Variants in ACTL6A observed in about 807,000 individuals in gnomAD.
ACTL6A encodes the protein actin-like protein 6A.
A neutral mutation model predicts 59.2 loss-of-function variants in ACTL6A; 5 were observed. The observed-to-expected ratio is 0.08, with a 90% CI of 0.04 to 0.18. The LOEUF (loss-of-function observed/expected upper bound fraction) is 0.18, where lower values mean the gene tolerates loss of function less well. Ranked by LOEUF, ACTL6A falls within the 10% of genes least tolerant of loss-of-function variation. The pLI is 1.00. For missense variants in ACTL6A, 285 were observed against 526.9 expected (o/e 0.54, Z 4.49); for synonymous variants, 154 against 171.8 (o/e 0.90, Z 0.81).
In ACTL6A at chr3:179,569,873, T is replaced by C; in HGVS notation, c.75T>C (p.Ala25=). ...ACATTGGATCCTATACTGTGAGAGC[T>C]GGTTATGCTGGTGAGGACTGCCCCA... ...VFDIGSYTVR[A]GYAGEDCPKV... is the part of the protein sequence containing the mutation. Residue 25 remains alanine (A), a synonymous_variant, in exon 2 of 14, where the codon GCT becomes GCC. Coordinates refer to ENST00000429709, the MANE Select transcript of ACTL6A (RefSeq NM_004301.5). 2 of 1,614,172 alleles carry C rather than the reference T, an allele frequency of 1.2e-6. No individual in the cohort carries two copies. The highest frequency in any genetic ancestry group is 1.1e-5 in the South Asian group (1 of 91,082).
intron 3 of ACTL6A, among the ~76,000 whole-genome samples, chr3:179,572,799 C>T (rs1298629437): frequency 1.3e-5 from 2 of 151,324 alleles, no homozygotes; most frequent in Admixed American, 6.6e-5. Context: ...AACGAGACTC[C>T]ATCTCAAAAA....
intron 8 of ACTL6A, among the ~76,000 whole-genome samples, chr3:179,579,455 T>TACACACACACACAC (rs10650822): frequency 0.016 from 2,300 of 145,100 alleles, 39 homozygotes; most frequent in African/African-American, 0.036. Flanking sequence ...TTATATCATA[T>TACACACACACACAC]ACACACACAC....
chr3:179,578,082 G>A (rs1314488844), intron 8 of ACTL6A, among the ~76,000 whole-genome samples: 2 of 152,166 alleles, frequency 1.3e-5, no homozygotes, highest in African/African-American at 2.4e-5. Context: ...AGGCTGAGGT[G>A]GGTGGATCCC....
At chr3:179,574,535 G>A in intron 5 of ACTL6A, 68 bp downstream of exon 5, 1 of 1,130,260 alleles carries the variant, frequency 8.8e-7, no homozygotes, top group Non-Finnish European at 1.3e-6. Context: ...GATAACTCTG[G>A]GAGAAGACAT....
Position 179,588,095 on chromosome 3 carries a change from T to C in ACTL6A, c.*85T>C. On this transcript the variant is annotated 3_prime_UTR_variant, in exon 14 of 14. Transcript: ENST00000429709. The stretch of plus-strand genomic sequence containing the variant: ...ACTCAGGAAAAGAATGACCATCTTT[T>C]GTAGAATGTTTATACATTTTTGCAT... 1 of 1,029,724 alleles carries C rather than the reference T, an allele frequency of 9.7e-7. No individual in the cohort carries two copies. The highest frequency in any genetic ancestry group is 1.4e-6 in the Non-Finnish European group (1 of 729,760). 63.8% of individuals were successfully genotyped at this position (1,029,724 alleles called of 1,614,324 possible).
intron 13 of ACTL6A, among the ~76,000 whole-genome samples, chr3:179,587,378 C>T (rs1718533644): frequency 6.6e-6 from 1 of 152,110 alleles, no homozygotes; most frequent in Non-Finnish European, 1.5e-5. Context: ...CACACCTAAA[C>T]CCTCAGTCTT....
Position 179,570,288 on chromosome 3 carries a change from A to G in ACTL6A, c.277+47A>G, listed in dbSNP as rs550292711. On this transcript the variant is annotated intron_variant, in intron 3 of 13. Transcript: ENST00000429709. This position sits in a 1 kb window ranked among gnomAD's most constrained non-coding sequence, Gnocchi z 4.3. ...ATTGATTATGGAGTGTACATGTTAT[A>G]TTTTAGATACAAAGTAGTAGCTTCC... is the stretch of plus-strand genomic sequence containing the variant. 47 of 1,480,950 alleles carry G rather than the reference A, an allele frequency of 3.2e-5. No homozygotes were observed. The South Asian group carries it at 5.1e-4, about 16-fold the overall frequency. The allele number at this position is 1,480,950 out of a possible 1,614,324, so 91.7% of individuals were successfully genotyped here. A position where few individuals can be genotyped will look rare whatever the true frequency, so the allele number is the denominator to read the frequency against.
At chr3:179,579,472 A>ACACG (rs1718269601) in intron 8 of ACTL6A, among the ~76,000 whole-genome samples, 1 of 151,860 alleles carries the variant, frequency 6.6e-6, no homozygotes, top group Non-Finnish European at 1.5e-5. Flanking sequence ...ACACACACAC[A>ACACG]CACACACACA....
chr3:179,586,440 A>G, intron 12 of ACTL6A, 106 bp from the exon 13 acceptor site: 1 of 814,522 alleles, frequency 1.2e-6, no homozygotes, highest in East Asian at 3.3e-5. Context: ...CCTGGACAAT[A>G]TGGCGAGGAA....
Sources: gnomAD v4.1 joint callset for allele counts (sites outside exome capture counted in the v4.1 genomes callset) on GRCh38, gnomAD v4.1.1 for gene constraint, Gnocchi (gnomAD v3.1) non-coding constraint, MANE v1.5 for transcripts, NCBI Gene and HGNC (gene_info 2026-07-23, HGNC 2026-07-21) for gene names.